DYNC1I1: variants seen among roughly 807,000 people sequenced by gnomAD.
DYNC1I1 encodes dynein cytoplasmic 1 intermediate chain 1, also known as cytoplasmic dynein 1 intermediate chain 1.
DYNC1I1 carries 43 observed loss-of-function variants against 86.6 expected under a neutral mutation model. The ratio of observed to expected loss-of-function variants is 0.50; its 90% confidence interval spans 0.39 to 0.64. The LOEUF is 0.64. Ranked by LOEUF, DYNC1I1 falls within the 30% of genes least tolerant of loss-of-function variation. DYNC1I1 has a pLI of 0.00. For missense variants in DYNC1I1, 604 were observed against 788.8 expected, an observed-to-expected ratio of 0.77 and a Z score of 2.81; for synonymous variants, 262 against 283.7, an observed-to-expected ratio of 0.92 and a Z score of 0.77.
At chr7:95,804,350 A>G (rs765822670) in intron 1 of DYNC1I1, 1 of 1,276,764 alleles carries the variant, frequency 7.8e-7, no homozygotes, top group South Asian at 1.3e-5. Context: ...CTCCATTATC[A>G]TCTAAATTGG....
At chr7:96,020,194 G>T (rs1216027732) in intron 10 of DYNC1I1, among the ~76,000 whole-genome samples, 2 of 151,938 alleles carry the variant, frequency 1.3e-5, no homozygotes, top group African/African-American at 4.8e-5. Context: ...AAATGGTGCG[G>T]CTGCTTGCAT....
chr7:95,993,680 TC>T (rs1372089206), intron 9 of DYNC1I1, among the ~76,000 whole-genome samples: 3 of 152,166 alleles, frequency 2.0e-5, no homozygotes, highest in Admixed American at 1.3e-4. Context: ...CGCTTATACT[TC>T]CTCTGCACAA....
intron 1 of DYNC1I1, among the ~76,000 whole-genome samples, chr7:95,778,226 G>A (rs556216390): frequency 6.6e-6 from 1 of 152,174 alleles, no homozygotes; most frequent in Non-Finnish European, 1.5e-5. Flanking sequence ...GATGGAAAAA[G>A]GGGCCCCGAA....
chr7:95,962,854 A>G (rs959906627), intron 6 of DYNC1I1, among the ~76,000 whole-genome samples: 1 of 152,174 alleles, frequency 6.6e-6, no homozygotes, highest in African/African-American at 2.4e-5. Flanking sequence ...CTCCTGGGTC[A>G]TGGCACTACT....
intron 10 of DYNC1I1, among the ~76,000 whole-genome samples, chr7:96,017,823 A>G (rs923823574): frequency 9.2e-5 from 14 of 152,172 alleles, no homozygotes; most frequent in African/African-American, 3.1e-4. Flanking sequence ...CTTTGGTTAT[A>G]TAGTGACAAG....
intron 10 of DYNC1I1, among the ~76,000 whole-genome samples, chr7:96,005,436 G>A (rs939305607): frequency 6.6e-6 from 1 of 151,992 alleles, no homozygotes; most frequent in Admixed American, 6.6e-5. Flanking sequence ...TTCATCTTGG[G>A]TGGGCGCTCT....
chr7:95,913,872 A>G (rs906416997), intron 6 of DYNC1I1, among the ~76,000 whole-genome samples: 3 of 152,216 alleles, frequency 2.0e-5, no homozygotes, highest in African/African-American at 4.8e-5. Flanking sequence ...TGCATGGAAC[A>G]CTGGGATAAA....
intron 6 of DYNC1I1, among the ~76,000 whole-genome samples, chr7:95,896,239 C>T (rs1584137893): frequency 6.6e-6 from 1 of 152,082 alleles, no homozygotes; most frequent in African/African-American, 2.4e-5. Context: ...AGCCCTAAGC[C>T]CTAAATCCTA....
intron 6 of DYNC1I1, among the ~76,000 whole-genome samples, chr7:95,917,407 A>G (rs1273644348): frequency 6.6e-6 from 1 of 152,118 alleles, no homozygotes; most frequent in Non-Finnish European, 1.5e-5. Flanking sequence ...AATATTTATA[A>G]AATATTATAA....
At chr7:96,044,430 G>A (rs1789146438) in intron 14 of DYNC1I1, among the ~76,000 whole-genome samples, 1 of 151,910 alleles carries the variant, frequency 6.6e-6, no homozygotes, top group Non-Finnish European at 1.5e-5. Flanking sequence ...AAGCAAGAAA[G>A]CATTAAAATC....
chr7:96,055,009 CTT>C (rs1789528166), intron 14 of DYNC1I1, among the ~76,000 whole-genome samples: 1 of 152,212 alleles, frequency 6.6e-6, no homozygotes, highest in African/African-American at 2.4e-5. Context: ...GTTGCCATTG[CTT>C]TTGGTGTTTT....
chr7:96,015,597 A>C lies in DYNC1I1; in HGVS notation c.970-12578A>C, dbSNP rs539234573. On this transcript the variant is annotated intron_variant, in intron 10 of 16. Transcript: ENST00000447467. ...ATTTTGTCCTTTTAAAAACCAGCTC[A>C]AGTTGAACTCTGGGGAATTTGATTC... is the stretch of plus-strand genomic sequence containing the variant. Among the ~76,000 whole-genome samples the C allele has an allele frequency of 5.3e-5, 8 of 152,234 alleles. 1 individual carries two copies. The South Asian group carries it at 1.2e-3, about 24-fold the overall frequency.
In DYNC1I1 at chr7:96,035,642, T is replaced by C. The variant is rs867286355; in HGVS notation, c.1254T>C (p.Asn418=). Residue 418 remains asparagine, a synonymous_variant, in exon 13 of 17, where the codon AAT becomes AAC. Coordinates refer to ENST00000447467, the MANE Select transcript of DYNC1I1 (RefSeq NM_001135556.2). ...TPQESMELVY[N]KSKPVAVTGM... Reference sequence around the variant, plus strand: ...AGGAGAGCATGGAGCTGGTGTACAATAAGTCCAAGCCTGTCGCTGTTACCG... The same window carrying C: ...AGGAGAGCATGGAGCTGGTGTACAACAAGTCCAAGCCTGTCGCTGTTACCG... The C allele has an allele frequency of 2.7e-5, 44 of 1,603,022 alleles. No homozygotes were observed. In the Middle Eastern group the frequency reaches 5.8e-3, roughly 212 times the overall value.
chr7:96,040,698 G>A (rs1033754292), intron 14 of DYNC1I1, among the ~76,000 whole-genome samples: 1 of 151,452 alleles, frequency 6.6e-6, no homozygotes, highest in East Asian at 1.9e-4. Context: ...GAATAGCAGT[G>A]ATCTTCACAA....
chr7:95,804,538 C>G (rs145509499), intron 1 of DYNC1I1, among the ~76,000 whole-genome samples, 183 bp from the exon 2 acceptor site: 1 of 152,080 alleles, frequency 6.6e-6, no homozygotes, highest in Non-Finnish European at 1.5e-5. Flanking sequence ...TATTTTATAT[C>G]CTTAGACCAG....
At chr7:96,085,553 A>G (rs1790652983) in intron 16 of DYNC1I1, among the ~76,000 whole-genome samples, 1 of 152,054 alleles carries the variant, frequency 6.6e-6, no homozygotes, top group Non-Finnish European at 1.5e-5. Flanking sequence ...GTACACATTT[A>G]TTTTCACAGA....
At chr7:96,000,308 A>G (rs1793978116) in intron 10 of DYNC1I1, among the ~76,000 whole-genome samples, 1 of 152,236 alleles carries the variant, frequency 6.6e-6, no homozygotes, top group South Asian at 2.1e-4. Flanking sequence ...CAGTTTTCAA[A>G]TGTGATATTC....
At chr7:95,798,288 C>G (rs1470666806) in intron 1 of DYNC1I1, among the ~76,000 whole-genome samples, 1 of 151,742 alleles carries the variant, frequency 6.6e-6, no homozygotes, top group African/African-American at 2.4e-5. Context: ...GAAAATAACC[C>G]TCCTTTCACT....
In DYNC1I1 at chr7:95,965,432, G is replaced by A. The variant is rs139870030; in HGVS notation, c.491-12080G>A. 3.1e-3 allele frequency among the ~76,000 whole-genome samples: 477 copies of A among 152,250 alleles called. 1 individual carries two copies. The highest frequency in any genetic ancestry group is 5.4e-3 in the Non-Finnish European group (366 of 68,010). On this transcript the variant is annotated intron_variant, in intron 6 of 16. Transcript: ENST00000447467. ...TGCCTTTGTAATTTAGTAGTTGTCT[G>A]AGCAACGTATATAACCTCTTTGAGC...
Sources: allele counts gnomAD v4.1 joint callset (sites outside exome capture counted in the v4.1 genomes callset), GRCh38; gene constraint gnomAD v4.1.1; transcripts MANE v1.5; gene names NCBI Gene and HGNC (gene_info 2026-07-23, HGNC 2026-07-21).